BAZ1B: variants seen among roughly 807,000 people sequenced by gnomAD.
BAZ1B encodes bromodomain adjacent to zinc finger domain 1B.
In BAZ1B, 22 loss-of-function variants were observed where a neutral mutation model predicts 153.8. The ratio of observed to expected loss-of-function variants is 0.14; its 90% CI spans 0.10 to 0.20. The LOEUF is 0.20. Among genes scored for constraint, BAZ1B ranks in the 10% least tolerant of loss-of-function variants. BAZ1B has a pLI of 1.00. For synonymous variants in BAZ1B, 676 were observed against 633.4 expected (o/e 1.07, Z -1.01); for missense variants, 1,325 against 1,799.3 (o/e 0.74, Z 4.77).
intron 2 of BAZ1B, among the ~76,000 whole-genome samples, chr7:73,508,954 A>C (rs529157206): frequency 7.3e-5 from 11 of 150,716 alleles, no homozygotes; most frequent in African/African-American, 2.7e-4. Context: ...CGGAGCTTAC[A>C]GTGAGCCGAG....
rs1159927298 is a variant in BAZ1B at position 73,469,576 on chromosome 7, C to A, written c.2807G>T (p.Arg936Leu). 3.1e-6 allele frequency: 5 copies of A among 1,614,122 alleles called. No individual in the cohort carries two copies. In the African/African-American group the frequency reaches 4.0e-5, roughly 13 times the overall value. ...GTGGTCTTTGCAGTGATGGTTGAAT[C>A]GGTAGTCAATGCTGTCATGTACCCA... is the stretch of plus-strand genomic sequence containing the variant. ...KGWVHDSIDY[R>L]FNHHCKDHTV... Residue 936 changes from arginine (R) to leucine (L), a missense_variant, in exon 9 of 20, where the codon CGA becomes CTA. Transcript: ENST00000339594.
At chr7:73,507,860 CCT>C (rs1790406844) in intron 3 of BAZ1B, among the ~76,000 whole-genome samples, 1 of 152,088 alleles carries the variant, frequency 6.6e-6, no homozygotes, top group Non-Finnish European at 1.5e-5. Flanking sequence ...AGAACAAAAC[CCT>C]GTCTCTAAAC....
intron 2 of BAZ1B, among the ~76,000 whole-genome samples, chr7:73,509,424 C>T (rs1265058591): frequency 6.6e-6 from 1 of 151,886 alleles, no homozygotes; most frequent in African/African-American, 2.4e-5. Flanking sequence ...CTGGGGAATA[C>T]AAAGATTAAA....
chr7:73,456,396 A>G (rs1374591944), intron 13 of BAZ1B, among the ~76,000 whole-genome samples: 6 of 152,244 alleles, frequency 3.9e-5, no homozygotes, highest in Admixed American at 1.3e-4. Flanking sequence ...ATATATTTGC[A>G]AATCATGCAT....
At chr7:73,495,175 G>C (rs1472244305) in intron 4 of BAZ1B, among the ~76,000 whole-genome samples, 4 of 152,094 alleles carry the variant, frequency 2.6e-5, no homozygotes, top group Admixed American at 2.6e-4. Flanking sequence ...CCCAGTTACT[G>C]GGGAGGCTGA....
chr7:73,464,469 T>C (rs202018981), intron 11 of BAZ1B, among the ~76,000 whole-genome samples: 2 of 152,330 alleles, frequency 1.3e-5, no homozygotes, highest in African/African-American at 4.8e-5. Flanking sequence ...ATCTCTTACC[T>C]GTTAGCAATC....
intron 1 of BAZ1B, among the ~76,000 whole-genome samples, chr7:73,515,158 T>C (rs1790746595): frequency 6.6e-6 from 1 of 152,220 alleles, no homozygotes; most frequent in Non-Finnish European, 1.5e-5. Flanking sequence ...CCTCTATTAT[T>C]CGTCTAAATT....
chr7:73,474,767 ACTCCGT>A (rs1788937629), intron 7 of BAZ1B, among the ~76,000 whole-genome samples: 1 of 152,060 alleles, frequency 6.6e-6, no homozygotes, highest in African/African-American at 2.4e-5. Context: ...AAAGAGCGCA[ACTCCGT>A]CTCCCCCAAA....
chr7:73,487,419 A>AC (rs1192320481), intron 6 of BAZ1B, among the ~76,000 whole-genome samples: 1 of 152,142 alleles, frequency 6.6e-6, no homozygotes, highest in Non-Finnish European at 1.5e-5. Flanking sequence ...ACAGAGCAAG[A>AC]CCCTGTCTCT....
chr7:73,497,388 TTTA>T (rs1325236147), intron 4 of BAZ1B, among the ~76,000 whole-genome samples: 18 of 152,276 alleles, frequency 1.2e-4, no homozygotes, highest in South Asian at 2.1e-4. Flanking sequence ...TACAGTTCAT[TTTA>T]TTGTTATTAT....
At chr7:73,447,682 A>G (rs912288295) in intron 15 of BAZ1B, among the ~76,000 whole-genome samples, 2 of 152,194 alleles carry the variant, frequency 1.3e-5, no homozygotes, top group African/African-American at 4.8e-5. Flanking sequence ...AAAGCAATAC[A>G]AAACACTGTT....
chr7:73,517,264 G>A (rs956714625), intron 1 of BAZ1B, among the ~76,000 whole-genome samples: 8 of 152,006 alleles, frequency 5.3e-5, no homozygotes, highest in East Asian at 1.9e-4. Flanking sequence ...AGGCTGAAGC[G>A]GGAGGATCAC....
At chr7:73,520,117 G>A (rs1370514205) in intron 1 of BAZ1B, among the ~76,000 whole-genome samples, 2 of 151,196 alleles carry the variant, frequency 1.3e-5, no homozygotes, top group African/African-American at 4.9e-5. Flanking sequence ...GCTGAGGCAG[G>A]AGAATCACTT....
intron 3 of BAZ1B, among the ~76,000 whole-genome samples, chr7:73,500,098 A>G (rs1790065922): frequency 6.6e-6 from 1 of 152,158 alleles, no homozygotes; most frequent in Non-Finnish European, 1.5e-5. Flanking sequence ...ACAGGCACAC[A>G]CCACACCTGG....
At position 73,478,244 on chromosome 7, in the gene BAZ1B, C is replaced by A. The variant is rs782342311; in HGVS notation, c.1217G>T (p.Gly406Val). 1.2e-6 allele frequency: 2 copies of A among 1,614,194 alleles called. No homozygotes were observed. The highest frequency in any genetic ancestry group is 2.2e-5 in the South Asian group (2 of 91,088). The change falls in exon 7 of 20, where the codon GGC (glycine) becomes GTC (valine). Residue 406 changes from glycine to valine, a missense_variant. This residue lies in a region of BAZ1B where 219 missense variants were observed against 248.2 expected (regional missense o/e 0.88). Transcript: ENST00000339594. ...TCCATTCAGGATGCCTTTGCTTCTG[C>A]CCTTTGCCTTCAAAGGCTTGTCACT... Reference protein sequence around the residue: ...KHSDKPLKAKGRSKGILNGQK... With the variant: ...KHSDKPLKAKVRSKGILNGQK...
intron 5 of BAZ1B, among the ~76,000 whole-genome samples, 192 bp from the exon 6 acceptor site, chr7:73,489,583 G>A (rs1231904012): frequency 6.6e-6 from 1 of 152,006 alleles, no homozygotes; most frequent in Non-Finnish European, 1.5e-5. Context: ...AGGAGGCCAA[G>A]GTATAAAGAT....
At chr7:73,504,860 C>T (rs1018598021) in intron 3 of BAZ1B, among the ~76,000 whole-genome samples, 2 of 152,070 alleles carry the variant, frequency 1.3e-5, no homozygotes, top group Admixed American at 6.6e-5. Context: ...AAAAACCCCA[C>T]TAGTACTGCC....
At chr7:73,506,421 C>A (rs1554577759) in intron 3 of BAZ1B, among the ~76,000 whole-genome samples, 1 of 151,138 alleles carries the variant, frequency 6.6e-6, no homozygotes, top group African/African-American at 2.4e-5. Flanking sequence ...ATGGCGTGAA[C>A]CCAGGAGGCG....
intron 12 of BAZ1B, among the ~76,000 whole-genome samples, chr7:73,461,224 C>A (rs1284882891): frequency 6.6e-6 from 1 of 152,130 alleles, no homozygotes; most frequent in Non-Finnish European, 1.5e-5. Context: ...GATCTGCCCA[C>A]CTTGGCCTCC....
Sources: gnomAD v4.1 joint callset for allele counts (sites outside exome capture counted in the v4.1 genomes callset) on GRCh38, gnomAD v4.1.1 for gene constraint, gnomAD v4.1.1 regional missense constraint, MANE v1.5 for transcripts, NCBI Gene and HGNC (gene_info 2026-07-23, HGNC 2026-07-21) for gene names.